PSMA1: variants seen among roughly 807,000 people sequenced by gnomAD.
PSMA1 encodes the protein proteasome 20S subunit alpha 1, also known as proteasome subunit alpha type-1.
PSMA1 carries 3 observed loss-of-function variants against 38.4 expected under a neutral mutation model. That is an observed-to-expected ratio of 0.08 (90% CI 0.04 to 0.20). The LOEUF (loss-of-function observed/expected upper bound fraction) is 0.20, where lower values mean the gene tolerates loss of function less well. Ranked by LOEUF, PSMA1 falls within the 10% of genes least tolerant of loss-of-function variation. PSMA1 has a pLI of 1.00. For synonymous variants in PSMA1, 101 were observed against 107.1 expected (o/e 0.94, Z 0.35); for missense variants, 227 against 325.3 (o/e 0.70, Z 2.32).
At chr11:14,554,234 T>C (rs1374719494) in intron 2 of PSMA1, among the ~76,000 whole-genome samples, 2 of 152,172 alleles carry the variant, frequency 1.3e-5, no homozygotes, top group Admixed American at 1.3e-4. Flanking sequence ...GCAGTGGTTT[T>C]TGGTTTGCAG....
intron 2 of PSMA1, among the ~76,000 whole-genome samples, chr11:14,599,037 CT>C (rs1374334898): frequency 6.6e-6 from 1 of 152,048 alleles, no homozygotes; most frequent in Non-Finnish European, 1.5e-5. Context: ...GTTGAAAATT[CT>C]TTTCTTTAAG....
chr11:14,617,655 T>G (rs910452643), intron 1 of PSMA1, among the ~76,000 whole-genome samples: 2 of 151,020 alleles, frequency 1.3e-5, no homozygotes, highest in African/African-American at 4.9e-5. Flanking sequence ...TTGTCCTTTT[T>G]TTTTGAAATA....
chr11:14,592,777 TTGAA>T (rs1852439378), intron 2 of PSMA1, among the ~76,000 whole-genome samples: 1 of 152,234 alleles, frequency 6.6e-6, no homozygotes, highest in African/African-American at 2.4e-5. Flanking sequence ...TAAACATTTT[TTGAA>T]TGAATGACTG....
intron 2 of PSMA1, chr11:14,610,778 C>G (rs1317943373): frequency 6.8e-6 from 4 of 585,468 alleles, no homozygotes; most frequent in Non-Finnish European, 8.9e-6. Flanking sequence ...GTATGATTTG[C>G]TGGATTTGAG....
rs1852715527 is a variant in PSMA1, at chr11:14,612,064, T to A, written c.-165-913A>T. 2.0e-5 allele frequency among the ~76,000 whole-genome samples: 3 copies of A among 152,304 alleles called. 1 individual carries two copies. The highest frequency in any genetic ancestry group is 6.8e-3 in the Middle Eastern group (2 of 294). On this transcript the variant is annotated intron_variant, in intron 1 of 10. Transcript: ENST00000418988. Reference sequence around the variant, plus strand: ...ATCTCTAAAGCTGAAAGGAAGTGCATGGTTTTGACTCAAACTCTGCCCTGT... The same window carrying A: ...ATCTCTAAAGCTGAAAGGAAGTGCAAGGTTTTGACTCAAACTCTGCCCTGT...
rs1453591341 is a variant in PSMA1 at position 14,631,887 on chromosome 11, T to C, written c.-166+11568A>G. 8.7e-5 allele frequency among the ~76,000 whole-genome samples: 13 copies of C among 148,648 alleles called. No homozygotes were observed. In the East Asian group the frequency reaches 1.4e-3, roughly 16 times the overall value. ...CATATATATTTAGGATAGTTAGCTC[T>C]TCTTGTTGAATTGATCCCTTTACCA... On this transcript the variant is annotated intron_variant, in intron 1 of 10. Coordinates refer to the PSMA1 transcript ENST00000418988.
chr11:14,524,378 G>A (rs910318988), upstream of PSMA1, among the ~76,000 whole-genome samples: 5 of 152,208 alleles, frequency 3.3e-5, no homozygotes, highest in East Asian at 1.9e-4. Flanking sequence ...CTTAACTGAC[G>A]AAGTTCCACC....
In PSMA1 at chr11:14,504,976, T is replaced by C. The variant is rs1851221267; in HGVS notation, c.*216A>G. On this transcript the variant is annotated 3_prime_UTR_variant, in exon 10 of 10. Transcript: ENST00000396394. Reference sequence around the variant, plus strand: ...CATTAGTATAGATACCCATACTTTCTAGAAAATGATTATACAGACCCTTTC... The same window carrying C: ...CATTAGTATAGATACCCATACTTTCCAGAAAATGATTATACAGACCCTTTC... 3 of 517,620 alleles carry C rather than the reference T, an allele frequency of 5.8e-6. No individual in the cohort carries two copies. The highest frequency in any genetic ancestry group is 3.2e-5 in the Admixed American group (1 of 30,774). The allele number at this position is 517,620 out of a possible 1,614,324, so 32.1% of individuals were successfully genotyped here. A position where few individuals can be genotyped will look rare whatever the true frequency, so the allele number is the denominator to read the frequency against.
At chr11:14,592,113 C>T (rs1008951876) in intron 2 of PSMA1, among the ~76,000 whole-genome samples, 4 of 151,792 alleles carry the variant, frequency 2.6e-5, no homozygotes, top group Non-Finnish European at 4.4e-5. Context: ...AGTGAGACCA[C>T]GAACCCGCCA....
intron 8 of PSMA1, 142 bp downstream of exon 8, chr11:14,510,730 A>C (rs1453783978): frequency 6.3e-6 from 3 of 473,818 alleles, no homozygotes; most frequent in African/African-American, 6.1e-5. Flanking sequence ...TGGATTACTT[A>C]GCAAATAGCT....
At chr11:14,631,961 C>G (rs1853021045) in intron 1 of PSMA1, among the ~76,000 whole-genome samples, 2 of 143,316 alleles carry the variant, frequency 1.4e-5, no homozygotes, top group Non-Finnish European at 3.0e-5. Context: ...GGTTTAAAGT[C>G]TGTTTTATCA....
chr11:14,633,857 T>C (rs7928876), intron 1 of PSMA1, among the ~76,000 whole-genome samples: 149,291 of 152,250 alleles, frequency 0.98, 73,294 homozygotes, highest in Middle Eastern at 1. Flanking sequence ...GTTTTTTAAG[T>C]CCGTCGGAAA....
At chr11:14,571,195 T>C (rs568938023) in intron 2 of PSMA1, among the ~76,000 whole-genome samples, 1 of 152,304 alleles carries the variant, frequency 6.6e-6, no homozygotes, top group South Asian at 2.1e-4. Context: ...TCCAAGTAGC[T>C]GGGACTACAG....
At chr11:14,545,334 G>T (rs1044392655) in intron 2 of PSMA1, among the ~76,000 whole-genome samples, 1 of 151,936 alleles carries the variant, frequency 6.6e-6, no homozygotes, top group Non-Finnish European at 1.5e-5. Context: ...TAAGTACCAG[G>T]ATACACGTGC....
intron 2 of PSMA1, among the ~76,000 whole-genome samples, chr11:14,598,663 T>C (rs1040257855): frequency 1.7e-4 from 25 of 149,956 alleles, no homozygotes; most frequent in African/African-American, 5.9e-4. Context: ...GTCTCCTGAA[T>C]ACAGCACACT....
intron 2 of PSMA1, among the ~76,000 whole-genome samples, chr11:14,565,975 C>G (rs1248667369): frequency 6.6e-6 from 1 of 152,138 alleles, no homozygotes; most frequent in Non-Finnish European, 1.5e-5. Context: ...AAGCCATTAT[C>G]TGAAAGAAGA....
chr11:14,588,921 G>A (rs1852380331), intron 2 of PSMA1, among the ~76,000 whole-genome samples: 1 of 152,116 alleles, frequency 6.6e-6, no homozygotes. Context: ...TATCTGCCTG[G>A]AGGAATTTTA....
intron 2 of PSMA1, among the ~76,000 whole-genome samples, chr11:14,589,972 A>G (rs1852391747): frequency 1.3e-5 from 2 of 152,224 alleles, no homozygotes; most frequent in South Asian, 4.1e-4. Flanking sequence ...GAATGGATAA[A>G]CAGAATGTGG....
rs376156998 is a variant in PSMA1, at chr11:14,558,150, C to T, written c.22-39109G>A. ...CAATCTACCTTGGCATGGTGGCTCA[C>T]GGCTGTAATCCCAGCACTCAGGGAG... On this transcript the variant is annotated intron_variant, in intron 2 of 10. Coordinates refer to the PSMA1 transcript ENST00000418988. Among the ~76,000 whole-genome samples, 79 of 146,790 alleles carry T rather than the reference C, an allele frequency of 5.4e-4. 1 individual carries two copies. The highest frequency in any genetic ancestry group is 3.6e-3 in the Middle Eastern group (1 of 274).
Sources: allele counts gnomAD v4.1 joint callset (sites outside exome capture counted in the v4.1 genomes callset), GRCh38; gene constraint gnomAD v4.1.1; transcripts MANE v1.5; gene names NCBI Gene and HGNC (gene_info 2026-07-23, HGNC 2026-07-21).